CPD: variants seen among roughly 807,000 people sequenced by gnomAD.
CPD encodes the protein metallocarboxypeptidase D.
In CPD, 69 loss-of-function variants were observed where a neutral mutation model predicts 138.3. The observed-to-expected ratio is 0.50, with a 90% CI of 0.41 to 0.61. The LOEUF (loss-of-function observed/expected upper bound fraction) is 0.61. Among genes scored for constraint, CPD ranks in the 20% least tolerant of loss-of-function variants. CPD has a pLI of 0.00. For synonymous variants in CPD, 651 were observed against 642.1 expected (o/e 1.01, Z -0.21); for missense variants, 1,432 against 1,733.3 (o/e 0.83, Z 3.09).
intron 2 of CPD, among the ~76,000 whole-genome samples, chr17:30,387,517 CG>C (rs1331344461): frequency 2.0e-5 from 3 of 152,058 alleles, no homozygotes; most frequent in Non-Finnish European, 4.4e-5. Flanking sequence ...TGAATAATAA[CG>C]TTTTTGTTTT....
In CPD at chr17:30,469,924, G is replaced by A. The variant is rs922386332; in HGVS notation, c.*5110G>A. Reference sequence around the variant, plus strand: ...TCATAAACAGTAATCTAGTTATTATGTTCAGCTTTTCAGATTTATAATAGC... The same window carrying A: ...TCATAAACAGTAATCTAGTTATTATATTCAGCTTTTCAGATTTATAATAGC... On this transcript the variant is annotated 3_prime_UTR_variant, in exon 21 of 21. Coordinates refer to ENST00000225719, the MANE Select transcript of CPD (RefSeq NM_001304.5). 6.6e-6 allele frequency: 1 copy of A among 151,972 alleles called. No individual in the cohort carries two copies. The highest frequency in any genetic ancestry group is 6.5e-5 in the Admixed American group (1 of 15,270). 9.4% of individuals were successfully genotyped at this position (151,972 alleles called of 1,614,324 possible). A position where few individuals can be genotyped will look rare whatever the true frequency, so the allele number is the denominator to read the frequency against.
chr17:30,427,666 G>A, intron 7 of CPD, 108 bp downstream of exon 7: 1 of 956,794 alleles, frequency 1.0e-6, no homozygotes, highest in Non-Finnish European at 1.6e-6. Flanking sequence ...TGAGTATCCT[G>A]TTACTGCTCT....
intron 2 of CPD, among the ~76,000 whole-genome samples, chr17:30,397,156 C>G (rs1911530871): frequency 6.6e-6 from 1 of 152,068 alleles, no homozygotes; most frequent in African/African-American, 2.4e-5. Flanking sequence ...GTAATTATTT[C>G]TTATATTTAC....
chr17:30,380,576 CA>C, intron 1 of CPD: 1 of 1,491,746 alleles, frequency 6.7e-7, no homozygotes, highest in East Asian at 2.5e-5. Flanking sequence ...TAAAAAATTA[CA>C]AAGTAGAAGA....
intron 11 of CPD, among the ~76,000 whole-genome samples, chr17:30,444,465 G>C (rs1432989965): frequency 6.7e-6 from 1 of 149,848 alleles, no homozygotes; most frequent in Non-Finnish European, 1.5e-5. Flanking sequence ...CTTTTAATTT[G>C]CTAAATACAG....
chr17:30,384,939 G>C (rs372795116), intron 1 of CPD, 50 bp from the exon 2 acceptor site: 4 of 1,577,014 alleles, frequency 2.5e-6, no homozygotes, highest in East Asian at 4.5e-5. Flanking sequence ...TTAATGCATG[G>C]TGTTTTGTGT....
chr17:30,416,590 C>A (rs1315564083), intron 2 of CPD, among the ~76,000 whole-genome samples: 1 of 152,170 alleles, frequency 6.6e-6, no homozygotes, highest in African/African-American at 2.4e-5. Flanking sequence ...GCCATTCTTC[C>A]TTTGTCTGTT....
At chr17:30,439,394 CT>C (rs71138889) in intron 9 of CPD, among the ~76,000 whole-genome samples, 87 of 124,638 alleles carry the variant, frequency 7.0e-4, no homozygotes, top group South Asian at 4.9e-3. Context: ...ACGTTACTTT[CT>C]TTTTTTTTTT....
chr17:30,417,398 A>G (rs1196084406), intron 2 of CPD, among the ~76,000 whole-genome samples: 2 of 151,518 alleles, frequency 1.3e-5, no homozygotes, highest in African/African-American at 4.9e-5. Flanking sequence ...GAAAAGGACT[A>G]CTCTTCTCCC....
intron 17 of CPD, 89 bp downstream of exon 17, chr17:30,456,615 GTGGAT>G: frequency 7.6e-7 from 1 of 1,311,296 alleles, no homozygotes; most frequent in Non-Finnish European, 1.1e-6. Flanking sequence ...GCCAAGGCAG[GTGGAT>G]TTTCTGAGTT....
intron 7 of CPD, 122 bp from the exon 8 acceptor site, chr17:30,431,650 G>C: frequency 1.5e-6 from 1 of 655,722 alleles, no homozygotes; most frequent in South Asian, 1.8e-5. Context: ...CATTTCTGTT[G>C]AGGAAATTCT....
intron 2 of CPD, among the ~76,000 whole-genome samples, chr17:30,390,076 G>C (rs988709029): frequency 1.3e-5 from 2 of 151,696 alleles, no homozygotes; most frequent in African/African-American, 2.4e-5. Flanking sequence ...TGGAGTGCAG[G>C]CGTGATCTCA....
intron 15 of CPD, 94 bp from the exon 16 acceptor site, chr17:30,456,162 A>G (rs1269227605): frequency 1.1e-6 from 1 of 916,716 alleles, no homozygotes; most frequent in African/African-American, 1.7e-5. Context: ...AAAATTTATT[A>G]GGAGAAAAAG....
intron 17 of CPD, among the ~76,000 whole-genome samples, chr17:30,459,146 C>CTTTT (rs34756707): frequency 3.1e-5 from 2 of 64,940 alleles, no homozygotes; most frequent in South Asian, 1.0e-3. Flanking sequence ...GCCAGTATCA[C>CTTTT]TTTTTTTTTT....
Position 30,379,329 on chromosome 17 carries a change from G to C in CPD, c.349G>C (p.Ala117Pro). ...TGAGGGCGACGCGGGGCCTGACGCT[G>C]CCGGGCCCGACGCTGCGGGGCCGCT... Reference protein sequence around the residue: ...IPEGDAGPDAAGPDAAGPLLP... With the variant: ...IPEGDAGPDAPGPDAAGPLLP... The change falls in exon 1 of 21, where the codon GCC (alanine) becomes CCC (proline). Residue 117 changes from alanine to proline, a missense_variant. Transcript: ENST00000225719. This position sits in a 1 kb window ranked among gnomAD's most constrained non-coding sequence, Gnocchi z 7.0. 2 of 1,490,326 alleles carry C rather than the reference G, an allele frequency of 1.3e-6. No individual in the cohort carries two copies. Among genetic ancestry groups the C allele is most frequent in the Non-Finnish European group, 1.8e-6 (2 of 1,127,924 alleles). The allele number at this position is 1,490,326 out of a possible 1,614,324, so 92.3% of individuals were successfully genotyped here.
intron 2 of CPD, among the ~76,000 whole-genome samples, chr17:30,412,888 A>G (rs77490395): frequency 6.6e-6 from 1 of 152,146 alleles, no homozygotes; most frequent in African/African-American, 2.4e-5. Flanking sequence ...GGCTGCACCC[A>G]CTGTCCAACC....
chr17:30,461,827 C>G (rs1913484013), intron 18 of CPD, 50 bp from the exon 19 acceptor site: 1 of 1,474,650 alleles, frequency 6.8e-7, no homozygotes, highest in Non-Finnish European at 9.2e-7. Flanking sequence ...GTGCCTCTAC[C>G]ATGTCTGGCA....
rs561636372 is a variant in CPD at position 30,419,580 on chromosome 17, A to G, written c.995-1261A>G. Among the ~76,000 whole-genome samples, 27 of 152,342 alleles carry G rather than the reference A, an allele frequency of 1.8e-4. 1 individual carries two copies. In the South Asian group the frequency reaches 5.0e-3, roughly 28 times the overall value. On this transcript the variant is annotated intron_variant, in intron 2 of 20. Transcript: ENST00000225719. Reference sequence around the variant, plus strand: ...AGTCTCAAACTCCTGAGCTCAGGCAATCTGCCCGCCTCCACCTCACAAAGT... The same window carrying G: ...AGTCTCAAACTCCTGAGCTCAGGCAGTCTGCCCGCCTCCACCTCACAAAGT...
rs765918080 is a variant in CPD at position 30,379,646 on chromosome 17, C to T, written c.666C>T (p.Asp222=). 2.0e-6 allele frequency: 3 copies of T among 1,519,164 alleles called. No homozygotes were observed. The South Asian group carries it at 3.7e-5, about 19-fold the overall frequency. 94.1% of individuals were successfully genotyped at this position (1,519,164 alleles called of 1,614,324 possible). The change falls in exon 1 of 21, where the codon GAC becomes GAT. Residue 222 remains aspartate, a synonymous_variant. Coordinates refer to ENST00000225719, the MANE Select transcript of CPD (RefSeq NM_001304.5). This position sits in a 1 kb window ranked among gnomAD's most constrained non-coding sequence, Gnocchi z 7.0. The part of the protein sequence containing the change: ...RGRDLNRSFP[D]QFSTGEPPAL... ...GCGACCTCAACCGAAGCTTTCCCGA[C>T]CAGTTTAGCACCGGCGAACCCCCCG...
Sources: gnomAD v4.1 joint callset for allele counts (sites outside exome capture counted in the v4.1 genomes callset) on GRCh38, gnomAD v4.1.1 for gene constraint, Gnocchi (gnomAD v3.1) non-coding constraint, MANE v1.5 for transcripts, NCBI Gene and HGNC (gene_info 2026-07-23, HGNC 2026-07-21) for gene names.